RPTOR: variants seen among roughly 807,000 people sequenced by gnomAD.
RPTOR encodes regulatory associated protein of MTOR complex 1.
Under a neutral mutation model 169.9 loss-of-function variants are expected in RPTOR, and 21 were observed. The ratio of observed to expected loss-of-function variants is 0.12; its 90% CI spans 0.09 to 0.18. The LOEUF (loss-of-function observed/expected upper bound fraction) is 0.18. Ranked by LOEUF, RPTOR falls within the 10% of genes least tolerant of loss-of-function variation. The pLI, the probability that RPTOR is intolerant of heterozygous loss-of-function variation, is 1.00. For synonymous variants in RPTOR, 732 were observed against 753.2 expected (o/e 0.97, Z 0.46); for missense variants, 1,133 against 1,855.9 (o/e 0.61, Z 7.16).
intron 1 of RPTOR, among the ~76,000 whole-genome samples, chr17:80,566,410 T>C (rs2064841002): frequency 6.6e-6 from 1 of 152,206 alleles, no homozygotes; most frequent in Non-Finnish European, 1.5e-5. Context: ...TATGAACCTA[T>C]TTGTGTTTTT....
intron 4 of RPTOR, among the ~76,000 whole-genome samples, chr17:80,711,768 A>ACGGG: frequency 4.9e-5 from 1 of 20,454 alleles, no homozygotes; most frequent in Non-Finnish European, 9.8e-5. Flanking sequence ...TTTGAGGTTA[A>ACGGG]GTCTCCCTCT....
intron 4 of RPTOR, among the ~76,000 whole-genome samples, chr17:80,712,631 G>A (rs550093076): frequency 1.3e-5 from 2 of 152,312 alleles, no homozygotes; most frequent in East Asian, 1.9e-4. Flanking sequence ...TATTATTAAC[G>A]TGTGCAAATT....
intron 7 of RPTOR, among the ~76,000 whole-genome samples, chr17:80,797,246 C>T (rs1166441116): frequency 6.6e-6 from 1 of 152,202 alleles, no homozygotes; most frequent in Admixed American, 6.5e-5. Context: ...GATCCTCCCA[C>T]CTCAGCCACC....
chr17:80,734,355 C>T (rs2066417587), intron 5 of RPTOR, among the ~76,000 whole-genome samples: 1 of 152,180 alleles, frequency 6.6e-6, no homozygotes. Flanking sequence ...TTGTAATTCT[C>T]CAGGATCCGT....
At position 80,962,457 on chromosome 17, in the gene RPTOR, G is replaced by T. The variant is rs929187216; in HGVS notation, c.3693-4G>T. 6.2e-7 allele frequency: 1 copy of T among 1,612,300 alleles called. No individual in the cohort carries two copies. Among genetic ancestry groups the T allele is most frequent in the Non-Finnish European group, 8.5e-7 (1 of 1,178,794 alleles). On this transcript the variant is annotated splice_region_variant and splice_polypyrimidine_tract_variant and intron_variant, in intron 31 of 33. Transcript: ENST00000306801. ...GAGGTGTCACTGTGACCCTCTCTTG[G>T]CAGCGTCAATGGAGATGTGCGCATC...
intron 6 of RPTOR, among the ~76,000 whole-genome samples, chr17:80,774,610 G>T (rs1313127907): frequency 1.3e-5 from 2 of 152,200 alleles, no homozygotes; most frequent in African/African-American, 4.8e-5. Flanking sequence ...GTGAGCTGAA[G>T]TTATTACATG....
chr17:80,608,699 T>C (rs1349003477), intron 1 of RPTOR, among the ~76,000 whole-genome samples: 5 of 152,156 alleles, frequency 3.3e-5, no homozygotes, highest in Non-Finnish European at 7.4e-5. Context: ...GAGTCCAGCA[T>C]GTTCGGGGCA....
intron 13 of RPTOR, among the ~76,000 whole-genome samples, chr17:80,859,683 A>G (rs1207377769): frequency 6.6e-6 from 1 of 152,212 alleles, no homozygotes; most frequent in Non-Finnish European, 1.5e-5. Flanking sequence ...GAGCAGGTCC[A>G]CGTTCCCCCC....
chr17:80,962,213 T>C (rs1431593115), intron 31 of RPTOR, among the ~76,000 whole-genome samples: 1 of 152,238 alleles, frequency 6.6e-6, no homozygotes, highest in Non-Finnish European at 1.5e-5. Context: ...GCCAGAAAGC[T>C]CCGCGCCTTT....
rs2065254448 is a variant in RPTOR, at chr17:80,609,481, C to G, written c.163-16210C>G. Among the ~76,000 whole-genome samples, 1 of 152,142 alleles carries G rather than the reference C, an allele frequency of 6.6e-6. No homozygotes were observed. Among genetic ancestry groups the G allele is most frequent in the African/African-American group, 2.4e-5 (1 of 41,410 alleles). On this transcript the variant is annotated intron_variant, in intron 1 of 33. Transcript: ENST00000306801. This position sits in a 1 kb window ranked among gnomAD's most constrained non-coding sequence, Gnocchi z 4.8. Reference sequence around the variant, plus strand: ...TTTGATTTGGCTGGGCAGGGTGGCTCACACCTGTAATCCCAGCATTTTGGG... The same window carrying G: ...TTTGATTTGGCTGGGCAGGGTGGCTGACACCTGTAATCCCAGCATTTTGGG...
chr17:80,719,173 G>A (rs547577201), intron 4 of RPTOR, among the ~76,000 whole-genome samples: 13 of 152,222 alleles, frequency 8.5e-5, no homozygotes, highest in African/African-American at 1.4e-4. Flanking sequence ...TTCTAGAGCC[G>A]AAGAAGGCCA....
chr17:80,940,325 G>A (rs1215041408), intron 24 of RPTOR, 171 bp from the exon 25 acceptor site: 3 of 565,984 alleles, frequency 5.3e-6, no homozygotes, highest in African/African-American at 3.8e-5. Flanking sequence ...AGGGTTTGAG[G>A]TGTGCCGGAG....
chr17:80,939,380 C>T (rs959909269), intron 24 of RPTOR, among the ~76,000 whole-genome samples: 5 of 152,232 alleles, frequency 3.3e-5, no homozygotes, highest in South Asian at 2.1e-4. Flanking sequence ...CTCGCACACA[C>T]GCACACACAC....
chr17:80,638,985 C>G (rs2065531302), intron 2 of RPTOR, among the ~76,000 whole-genome samples: 1 of 152,212 alleles, frequency 6.6e-6, no homozygotes, highest in South Asian at 2.1e-4. Flanking sequence ...CGAAGCTTTC[C>G]TGTCCCAGAT....
chr17:80,795,120 T>C (rs1323633292), intron 7 of RPTOR, among the ~76,000 whole-genome samples: 2 of 152,150 alleles, frequency 1.3e-5, no homozygotes, highest in South Asian at 4.1e-4. Flanking sequence ...GCAGAGCAGA[T>C]GCAGCACACG....
chr17:80,605,078 G>A (rs2065219018), intron 1 of RPTOR, among the ~76,000 whole-genome samples: 1 of 152,152 alleles, frequency 6.6e-6, no homozygotes, highest in Non-Finnish European at 1.5e-5. Context: ...CTTATGGGTT[G>A]GAGTAAGGTA....
chr17:80,873,961 C>T (rs894212784), intron 13 of RPTOR, among the ~76,000 whole-genome samples: 1 of 152,160 alleles, frequency 6.6e-6, no homozygotes, highest in Admixed American at 6.5e-5. Context: ...CCGGACTGAG[C>T]AGCGGGTACC....
At position 80,758,036 on chromosome 17, in the gene RPTOR, C is replaced by T. The variant is rs897653934; in HGVS notation, c.830+3851C>T. ...GCCCAAAAACTAATTTATTCAGTCC[C>T]GACTGTGTATGTAATAAGACCCATG... On this transcript the variant is annotated intron_variant, in intron 6 of 33. Transcript: ENST00000306801. 4.6e-5 allele frequency among the ~76,000 whole-genome samples: 7 copies of T among 152,258 alleles called. No individual in the cohort carries two copies. In the East Asian group the frequency reaches 5.8e-4, roughly 13 times the overall value.
chr17:80,550,188 G>A (rs1042639512), intron 1 of RPTOR, among the ~76,000 whole-genome samples: 1 of 152,148 alleles, frequency 6.6e-6, no homozygotes, highest in Non-Finnish European at 1.5e-5. Flanking sequence ...CCTGAGACTG[G>A]TCTCCATATG....
Sources: allele counts gnomAD v4.1 joint callset (sites outside exome capture counted in the v4.1 genomes callset), GRCh38; gene constraint gnomAD v4.1.1; non-coding constraint Gnocchi (gnomAD v3.1); transcripts MANE v1.5; gene names NCBI Gene and HGNC (gene_info 2026-07-23, HGNC 2026-07-21).